SPMIP2: variants seen among roughly 807,000 people sequenced by gnomAD.
The protein encoded by SPMIP2 is protein SPMIP2.
the SPMIP2 span, among the ~76,000 whole-genome samples, chr4:158,915,623 T>C: frequency 6.6e-6 from 1 of 152,148 alleles, no homozygotes; most frequent in East Asian, 1.9e-4. Flanking sequence ...TACTGTCCTT[T>C]CAGAGCCAAG....
chr4:159,051,404 T>C, the SPMIP2 span, among the ~76,000 whole-genome samples: 1 of 152,198 alleles, frequency 6.6e-6, no homozygotes, highest in Non-Finnish European at 1.5e-5. Context: ...AAGAAAGGAT[T>C]ACACCCACCA....
chr4:158,970,222 C>A, the SPMIP2 span, among the ~76,000 whole-genome samples: 763 of 152,212 alleles, frequency 5.0e-3, 8 homozygotes, highest in Middle Eastern at 0.044. Context: ...GATAAGGAAT[C>A]AAAAGTCTGA....
At chr4:158,955,901 A>G in the SPMIP2 span, among the ~76,000 whole-genome samples, 1 of 152,226 alleles carries the variant, frequency 6.6e-6, no homozygotes, top group Non-Finnish European at 1.5e-5. Context: ...CATGTCATAG[A>G]GTGGACTCTT....
the SPMIP2 span, among the ~76,000 whole-genome samples, chr4:159,037,610 T>C: frequency 6.6e-6 from 1 of 151,556 alleles, no homozygotes; most frequent in East Asian, 1.9e-4. Flanking sequence ...AAGACCCCCA[T>C]CTCTACAAAA....
At chr4:158,956,643 G>A in the SPMIP2 span, among the ~76,000 whole-genome samples, 1 of 152,234 alleles carries the variant, frequency 6.6e-6, no homozygotes, top group African/African-American at 2.4e-5. Flanking sequence ...CCCTGGTCAT[G>A]TGACAATCTC....
the SPMIP2 span, among the ~76,000 whole-genome samples, chr4:158,966,189 T>G: frequency 5.9e-5 from 9 of 152,326 alleles, no homozygotes; most frequent in African/African-American, 2.2e-4. Context: ...CTTCCCCAAT[T>G]TAAGTTCCTT....
the SPMIP2 span, among the ~76,000 whole-genome samples, chr4:158,969,727 T>C: frequency 8.0e-3 from 1,214 of 152,276 alleles, 17 homozygotes; most frequent in African/African-American, 0.027. Flanking sequence ...AAGACTCTAT[T>C]GGAGGTGCCT....
the SPMIP2 span, among the ~76,000 whole-genome samples, chr4:158,918,424 A>G: frequency 7.9e-5 from 12 of 152,264 alleles, no homozygotes; most frequent in Non-Finnish European, 1.2e-4. Flanking sequence ...GCTGATGGTG[A>G]GAATGTAAGC....
At chr4:158,977,600 CTTT>C in the SPMIP2 span, among the ~76,000 whole-genome samples, 69 of 72,390 alleles carry the variant, frequency 9.5e-4, no homozygotes, top group Admixed American at 2.2e-3. Context: ...TCCTTCAGTT[CTTT>C]TTTTTTTTTT....
the SPMIP2 span, among the ~76,000 whole-genome samples, chr4:158,985,234 T>A: frequency 1.4e-3 from 195 of 142,228 alleles, no homozygotes; most frequent in African/African-American, 5.0e-3. Flanking sequence ...TTCCTTCTGA[T>A]ACTATTCCAA....
the SPMIP2 span, among the ~76,000 whole-genome samples, chr4:158,956,608 G>C: frequency 6.6e-6 from 1 of 152,106 alleles, no homozygotes; most frequent in East Asian, 1.9e-4. Context: ...TCCAAACCCC[G>C]ATCAATAGGA....
At chr4:158,914,452 T>G in the SPMIP2 span, among the ~76,000 whole-genome samples, 4 of 152,342 alleles carry the variant, frequency 2.6e-5, no homozygotes, top group South Asian at 8.3e-4. Context: ...AGAAGTCTTT[T>G]TATGCGTAGG....
chr4:159,041,929 T>C, the SPMIP2 span, among the ~76,000 whole-genome samples: 1 of 152,254 alleles, frequency 6.6e-6, no homozygotes, highest in Non-Finnish European at 1.5e-5. Context: ...TGCCTTATTG[T>C]ACATCCACGA....
chr4:158,996,655 G>A, the SPMIP2 span, among the ~76,000 whole-genome samples: 2 of 152,160 alleles, frequency 1.3e-5, no homozygotes, highest in Admixed American at 1.3e-4. Context: ...GGAATCACAG[G>A]CTTTTCCATC....
At chr4:159,020,552 G>A in the SPMIP2 span, among the ~76,000 whole-genome samples, 16 of 152,256 alleles carry the variant, frequency 1.1e-4, no homozygotes, top group African/African-American at 3.6e-4. Flanking sequence ...CCCCTGGGCC[G>A]GTTAGAGGTA....
At chr4:158,977,707 C>T in the SPMIP2 span, among the ~76,000 whole-genome samples, 1,708 of 149,880 alleles carry the variant, frequency 0.011, 10 homozygotes, top group Non-Finnish European at 0.016. Context: ...CTCTGCCTCC[C>T]GGGTTCACGC....
At chr4:158,991,657 A>G in the SPMIP2 span, among the ~76,000 whole-genome samples, 1 of 152,280 alleles carries the variant, frequency 6.6e-6, no homozygotes, top group East Asian at 1.9e-4. Flanking sequence ...TATTTGCTTC[A>G]GGTTTTCACT....
chr4:159,072,610 G>A, the SPMIP2 span, among the ~76,000 whole-genome samples: 960 of 151,654 alleles, frequency 6.3e-3, 5 homozygotes, highest in Non-Finnish European at 9.8e-3. Flanking sequence ...TTACAGACAC[G>A]CACCACCATG....
the SPMIP2 span, among the ~76,000 whole-genome samples, chr4:159,077,204 G>A: frequency 1.1e-3 from 161 of 150,548 alleles, no homozygotes; most frequent in Middle Eastern, 3.5e-3. Context: ...ACAATGGTGC[G>A]GTCTCGGCTC....
Sources: gnomAD v4.1 joint callset for allele counts (sites outside exome capture counted in the v4.1 genomes callset) on GRCh38, gnomAD v4.1.1 for gene constraint, MANE v1.5 for transcripts, NCBI Gene and HGNC (gene_info 2026-07-23, HGNC 2026-07-21) for gene names.